Variants in RPSA2 observed in about 807,000 individuals in gnomAD.
RPSA2 encodes small ribosomal subunit protein uS2B.
At chr19:23,786,407 A>G in the RPSA2 span, among the ~76,000 whole-genome samples, 1 of 152,106 alleles carries the variant, frequency 6.6e-6, no homozygotes, top group Non-Finnish European at 1.5e-5. Context: ...ATTGTGATTT[A>G]TCACTGGATC....
At chr19:23,773,606 C>T in the RPSA2 span, among the ~76,000 whole-genome samples, 1 of 152,138 alleles carries the variant, frequency 6.6e-6, no homozygotes, top group African/African-American at 2.4e-5. Flanking sequence ...GTTGTATGAA[C>T]ACACATCAAA....
the RPSA2 span, among the ~76,000 whole-genome samples, chr19:23,830,681 A>C: frequency 6.6e-6 from 1 of 151,062 alleles, no homozygotes; most frequent in African/African-American, 2.4e-5. Flanking sequence ...CATTTTTCTG[A>C]ATTTCCATAG....
At chr19:23,760,973 T>A in the RPSA2 span, among the ~76,000 whole-genome samples, 1 of 150,982 alleles carries the variant, frequency 6.6e-6, no homozygotes, top group East Asian at 1.9e-4. Flanking sequence ...CAAACATACA[T>A]ATTATTTTGA....
the RPSA2 span, among the ~76,000 whole-genome samples, chr19:23,864,590 A>G: frequency 9.8e-5 from 15 of 152,302 alleles, no homozygotes; most frequent in South Asian, 2.3e-3. Flanking sequence ...ATAAGTAGCT[A>G]TGAATTGCTT....
At chr19:23,847,547 G>T in the RPSA2 span, among the ~76,000 whole-genome samples, 1 of 152,120 alleles carries the variant, frequency 6.6e-6, no homozygotes, top group Admixed American at 6.6e-5. Flanking sequence ...ACAGGGAGTA[G>T]GTCACAAAGA....
the RPSA2 span, among the ~76,000 whole-genome samples, chr19:23,798,265 G>C: frequency 1.3e-5 from 2 of 152,274 alleles, no homozygotes; most frequent in African/African-American, 4.8e-5. Flanking sequence ...AGGACTAAAA[G>C]ATATTGGTAA....
the RPSA2 span, among the ~76,000 whole-genome samples, chr19:23,811,189 G>C: frequency 6.6e-6 from 1 of 152,012 alleles, no homozygotes; most frequent in Non-Finnish European, 1.5e-5. Context: ...GCTAAATTTT[G>C]TGTTTTTAGT....
At chr19:23,862,068 A>T in the RPSA2 span, among the ~76,000 whole-genome samples, 1 of 152,022 alleles carries the variant, frequency 6.6e-6, no homozygotes, top group South Asian at 2.1e-4. Flanking sequence ...AGTGGTTTGT[A>T]GTTCTCCTTG....
the RPSA2 span, among the ~76,000 whole-genome samples, chr19:23,814,127 G>A: frequency 6.6e-6 from 1 of 151,036 alleles, no homozygotes; most frequent in Non-Finnish European, 1.5e-5. Context: ...CAGGAGAATT[G>A]GTTGAACCTG....
At chr19:23,798,381 A>G in the RPSA2 span, among the ~76,000 whole-genome samples, 150,897 of 152,328 alleles carry the variant, frequency 0.99, 74,759 homozygotes, top group Middle Eastern at 1. Flanking sequence ...AGTGGAGTAT[A>G]TTGTCATACC....
chr19:23,788,390 A>G, the RPSA2 span, among the ~76,000 whole-genome samples: 1 of 152,138 alleles, frequency 6.6e-6, no homozygotes, highest in Non-Finnish European at 1.5e-5. Flanking sequence ...TGCAGCATTT[A>G]GGTGATGTGA....
the RPSA2 span, among the ~76,000 whole-genome samples, chr19:23,771,584 C>T: frequency 6.6e-4 from 99 of 150,566 alleles, no homozygotes; most frequent in Non-Finnish European, 1.2e-3. Flanking sequence ...AGTGTACAGA[C>T]GGGGTTGTGC....
the RPSA2 span, among the ~76,000 whole-genome samples, chr19:23,812,388 C>CTT: frequency 1.8e-4 from 21 of 114,184 alleles, no homozygotes; most frequent in Admixed American, 6.2e-4. Flanking sequence ...CTCTTTTTCT[C>CTT]TTTTTTTTTT....
the RPSA2 span, among the ~76,000 whole-genome samples, chr19:23,863,701 C>A: frequency 1.3e-5 from 2 of 152,184 alleles, no homozygotes; most frequent in East Asian, 3.9e-4. Flanking sequence ...CTAGCTACTA[C>A]AAAACTTCCT....
At chr19:23,790,966 G>C in the RPSA2 span, among the ~76,000 whole-genome samples, 1 of 152,142 alleles carries the variant, frequency 6.6e-6, no homozygotes, top group African/African-American at 2.4e-5. Context: ...GCCCCCGGGC[G>C]TCCTGTCTTC....
the RPSA2 span, among the ~76,000 whole-genome samples, chr19:23,839,129 G>C: frequency 6.6e-6 from 1 of 151,986 alleles, no homozygotes; most frequent in South Asian, 2.1e-4. Context: ...GTTTTGATAG[G>C]TTGTATCATT....
chr19:23,809,629 T>C, the RPSA2 span: 1 of 152,148 alleles, frequency 6.6e-6, no homozygotes, highest in Non-Finnish European at 1.5e-5. Flanking sequence ...AATAAGATTT[T>C]TTTTCTCTCT....
At chr19:23,849,814 C>T in the RPSA2 span, among the ~76,000 whole-genome samples, 1 of 152,136 alleles carries the variant, frequency 6.6e-6, no homozygotes, top group Non-Finnish European at 1.5e-5. Flanking sequence ...TGTCAGTTAA[C>T]ACAATCTTCC....
chr19:23,784,447 C>T, the RPSA2 span, among the ~76,000 whole-genome samples: 1 of 152,176 alleles, frequency 6.6e-6, no homozygotes, highest in African/African-American at 2.4e-5. Flanking sequence ...GATGGTGACT[C>T]ATTTCTAAAC....
Sources: allele counts gnomAD v4.1 joint callset (sites outside exome capture counted in the v4.1 genomes callset), GRCh38; gene constraint gnomAD v4.1.1; transcripts MANE v1.5; gene names NCBI Gene and HGNC (gene_info 2026-07-23, HGNC 2026-07-21).